The following NCOA1 variants were observed in gnomAD, a reference collection of about 807,000 sequenced individuals.
NCOA1 encodes nuclear receptor coactivator 1.
A neutral mutation model predicts 150.9 loss-of-function variants in NCOA1; 35 were observed. The observed-to-expected ratio is 0.23, with a 90% CI of 0.18 to 0.31. The LOEUF (loss-of-function observed/expected upper bound fraction) is 0.31. Ranked by LOEUF, NCOA1 falls within the 10% of genes least tolerant of loss-of-function variation. The pLI is 1.00. For missense variants in NCOA1, 1,491 were observed against 1,749.3 expected, an observed-to-expected ratio of 0.85 and a Z score of 2.63; for synonymous variants, 590 against 630.0, an observed-to-expected ratio of 0.94 and a Z score of 0.95.
At chr2:24,646,421 T>A (rs989710342) in intron 4 of NCOA1, among the ~76,000 whole-genome samples, 5 of 152,198 alleles carry the variant, frequency 3.3e-5, no homozygotes, top group Non-Finnish European at 7.4e-5. Flanking sequence ...TTTATTGCTG[T>A]TATCTAATAT....
At chr2:24,688,460 T>C (rs2052865506) in intron 8 of NCOA1, among the ~76,000 whole-genome samples, 1 of 152,232 alleles carries the variant, frequency 6.6e-6, no homozygotes, top group Non-Finnish European at 1.5e-5. Flanking sequence ...TGGTGTGAGA[T>C]AGTATCTCAT....
chr2:24,757,154 T>A (rs984716763), intron 20 of NCOA1, among the ~76,000 whole-genome samples: 16 of 152,178 alleles, frequency 1.1e-4, no homozygotes, highest in African/African-American at 3.6e-4. Context: ...AATTTTAGTA[T>A]GCATGAATAG....
At chr2:24,621,133 T>G (rs1239956467) in intron 3 of NCOA1, among the ~76,000 whole-genome samples, 2 of 152,078 alleles carry the variant, frequency 1.3e-5, no homozygotes, top group African/African-American at 4.8e-5. Flanking sequence ...TCTCATAATC[T>G]TGTGTGGTAT....
intron 1 of NCOA1, among the ~76,000 whole-genome samples, chr2:24,505,959 TAGAC>T (rs1455096028): frequency 5.9e-5 from 9 of 151,504 alleles, no homozygotes; most frequent in African/African-American, 1.5e-4. Context: ...CGGAGACAGA[TAGAC>T]AGACTCACTC....
chr2:24,568,395 G>A (rs1666599592), intron 2 of NCOA1, among the ~76,000 whole-genome samples: 1 of 152,100 alleles, frequency 6.6e-6, no homozygotes, highest in African/African-American at 2.4e-5. Context: ...GTTATATTAA[G>A]GGAATGGATA....
chr2:24,491,632 C>T (rs1662962775), intron 1 of NCOA1, among the ~76,000 whole-genome samples, 30 bp downstream of exon 1: 1 of 150,218 alleles, frequency 6.7e-6, no homozygotes, highest in Non-Finnish European at 1.5e-5. Flanking sequence ...TGCGGAGCCT[C>T]CCGGTGGGTG....
chr2:24,646,054 G>A (rs971146116), intron 4 of NCOA1, among the ~76,000 whole-genome samples: 1 of 152,078 alleles, frequency 6.6e-6, no homozygotes, highest in African/African-American at 2.4e-5. Context: ...CTTGGTGTCT[G>A]TCTTTCCTCA....
chr2:24,715,762 A>G (rs1445440188), intron 14 of NCOA1, among the ~76,000 whole-genome samples: 2 of 152,200 alleles, frequency 1.3e-5, no homozygotes, highest in Non-Finnish European at 2.9e-5. Flanking sequence ...GAGGGATACC[A>G]TTTTCATGGA....
chr2:24,689,102 A>T (rs946239299), intron 8 of NCOA1, among the ~76,000 whole-genome samples: 1 of 152,008 alleles, frequency 6.6e-6, no homozygotes, highest in African/African-American at 2.4e-5. Flanking sequence ...TTTTGGTACC[A>T]TACTGTTTTT....
At chr2:24,518,243 C>T (rs376506749) in intron 1 of NCOA1, among the ~76,000 whole-genome samples, 151 of 152,066 alleles carry the variant, frequency 9.9e-4, no homozygotes, top group Admixed American at 2.8e-3. Context: ...ATATGAACAT[C>T]TCAATAAATG....
At chr2:24,635,937 C>T (rs568090134) in intron 3 of NCOA1, among the ~76,000 whole-genome samples, 31 of 152,126 alleles carry the variant, frequency 2.0e-4, no homozygotes, top group South Asian at 1.5e-3. Flanking sequence ...GGTCAGGATC[C>T]GGTTGATAGG....
intron 10 of NCOA1, among the ~76,000 whole-genome samples, chr2:24,697,226 G>T (rs989617260): frequency 1.3e-5 from 2 of 152,132 alleles, no homozygotes; most frequent in Non-Finnish European, 2.9e-5. Flanking sequence ...AAAGGAAAAG[G>T]CTTGCTTCTT....
intron 3 of NCOA1, among the ~76,000 whole-genome samples, chr2:24,633,458 AAAAG>A (rs1156256870): frequency 2.0e-5 from 3 of 152,144 alleles, no homozygotes; most frequent in Non-Finnish European, 4.4e-5. Flanking sequence ...AGAATAAATG[AAAAG>A]AAAGAAAAAA....
At chr2:24,589,702 G>A (rs1572457454) in intron 3 of NCOA1, among the ~76,000 whole-genome samples, 2 of 151,972 alleles carry the variant, frequency 1.3e-5, no homozygotes, top group Admixed American at 6.6e-5. Context: ...CACGCGCCAC[G>A]TGTCAGGGAA....
At chr2:24,567,506 C>A (rs139288468) in intron 2 of NCOA1, among the ~76,000 whole-genome samples, 1 of 152,114 alleles carries the variant, frequency 6.6e-6, no homozygotes, top group Non-Finnish European at 1.5e-5. Flanking sequence ...AATGGTTACT[C>A]TTGGGCTAGG....
chr2:24,595,251 A>G (rs1329156822), intron 3 of NCOA1, among the ~76,000 whole-genome samples: 1 of 152,130 alleles, frequency 6.6e-6, no homozygotes, highest in Non-Finnish European at 1.5e-5. Context: ...AATCAAAAGA[A>G]TCAGGTAGAA....
At chr2:24,603,845 G>A (rs899131424) in intron 3 of NCOA1, among the ~76,000 whole-genome samples, 10 of 152,178 alleles carry the variant, frequency 6.6e-5, no homozygotes, top group African/African-American at 2.4e-4. Flanking sequence ...GTTCTTAATG[G>A]CATCCAGTAT....
At chr2:24,500,355 G>A (rs1271044723) in intron 1 of NCOA1, among the ~76,000 whole-genome samples, 4 of 152,122 alleles carry the variant, frequency 2.6e-5, no homozygotes, top group Admixed American at 6.5e-5. Flanking sequence ...TGATCCGCCC[G>A]CCTTGGCCTC....
rs775672118 is a variant in NCOA1, at chr2:24,752,075, T to C, written c.3800T>C (p.Leu1267Pro). 6.2e-7 allele frequency: 1 copy of C among 1,614,188 alleles called. No individual in the cohort carries two copies. Among genetic ancestry groups the C allele is most frequent in the Non-Finnish European group, 8.5e-7 (1 of 1,180,028 alleles). The change falls in exon 20 of 23, where the codon CTT becomes CCT. Residue 1267 changes from leucine to proline, a missense_variant. This residue lies in a region of NCOA1 where 485 missense variants were observed against 522.8 expected (regional missense o/e 0.93). Transcript: ENST00000348332. ...PMPIPPPQSS[L>P]LQQTPPASGY... is the part of the protein sequence containing the mutation. ...CCAATCCCTCCTCCTCAGAGTTCTC[T>C]TCTCCAGCAAACTCCACCTGCCTCC...
Sources: allele counts gnomAD v4.1 joint callset (sites outside exome capture counted in the v4.1 genomes callset), GRCh38; gene constraint gnomAD v4.1.1; regional missense constraint gnomAD v4.1.1; transcripts MANE v1.5; gene names NCBI Gene and HGNC (gene_info 2026-07-23, HGNC 2026-07-21).